Variants in TMEM260 observed in about 807,000 individuals in gnomAD.
The protein encoded by TMEM260 is transmembrane protein 260, also known as protein O-mannosyl-transferase TMEM260.
A neutral mutation model predicts 88.9 loss-of-function variants in TMEM260; 82 were observed. The observed-to-expected ratio is 0.92, with a 90% CI of 0.77 to 1.11. The LOEUF is 1.11. Among genes scored for constraint, TMEM260 ranks in the 50% least tolerant of loss-of-function variants. TMEM260 has a pLI of 0.00. For synonymous variants in TMEM260, 314 were observed against 309.3 expected (o/e 1.02, Z -0.16); for missense variants, 902 against 853.4 (o/e 1.06, Z -0.71).
At chr14:56,621,186 G>A (rs756713919) in intron 10 of TMEM260, among the ~76,000 whole-genome samples, 11 of 152,088 alleles carry the variant, frequency 7.2e-5, no homozygotes, top group Non-Finnish European at 1.5e-4. Flanking sequence ...ACATAAAATT[G>A]CCTTAAACTC....
At chr14:56,610,301 C>A (rs1390131144) in intron 6 of TMEM260, among the ~76,000 whole-genome samples, 1 of 151,948 alleles carries the variant, frequency 6.6e-6, no homozygotes, top group East Asian at 1.9e-4. Context: ...AGTGCAGTGG[C>A]GCGATCTCAG....
intron 3 of TMEM260, among the ~76,000 whole-genome samples, chr14:56,596,306 A>G (rs1215930973): frequency 6.6e-6 from 1 of 151,474 alleles, no homozygotes; most frequent in Non-Finnish European, 1.5e-5. Flanking sequence ...CTTAAATAAT[A>G]TATATATGGG....
chr14:56,624,214 A>G (rs1374966341), intron 11 of TMEM260, among the ~76,000 whole-genome samples: 2 of 152,188 alleles, frequency 1.3e-5, no homozygotes, highest in East Asian at 1.9e-4. Context: ...TAATGAATAA[A>G]ATAATGGCTA....
chr14:56,637,923 TTGTGAGTGC>T lies in TMEM260; in HGVS notation c.1869+1332_1869+1340del, dbSNP rs375182188. 4.5e-4 allele frequency among the ~76,000 whole-genome samples: 69 copies of T among 152,262 alleles called. 1 individual carries two copies. The East Asian group carries it at 0.012, about 27-fold the overall frequency. On this transcript the variant is annotated intron_variant, in intron 15 of 15. Transcript: ENST00000261556. ...TCAAGTCCTCAGTCACAGTTCAGTCTTGTGAGTGCTGTGAGAGGCACACAAGGGTGCTAC... is the reference window on the plus strand; with the variant it reads ...TCAAGTCCTCAGTCACAGTTCAGTCTTGTGAGAGGCACACAAGGGTGCTAC...
intron 11 of TMEM260, among the ~76,000 whole-genome samples, chr14:56,624,894 G>A (rs1888148350): frequency 6.6e-6 from 1 of 152,038 alleles, no homozygotes; most frequent in South Asian, 2.1e-4. Flanking sequence ...GGGTGGGGGT[G>A]GGGAATGGTC....
At chr14:56,653,029 C>T (rs1465114078), downstream of TMEM260, among the ~76,000 whole-genome samples, 5 of 152,262 alleles carry the variant, frequency 3.3e-5, no homozygotes, top group East Asian at 5.8e-4. Context: ...CGCGGTGGCT[C>T]ATGCCTGTAA....
At chr14:56,660,499 G>A in the TMEM260 span, among the ~76,000 whole-genome samples, 1 of 152,194 alleles carries the variant, frequency 6.6e-6, no homozygotes, top group Non-Finnish European at 1.5e-5. Flanking sequence ...AACGTCTCAA[G>A]AGCACATTAT....
chr14:56,660,946 G>A, the TMEM260 span, among the ~76,000 whole-genome samples: 1 of 152,228 alleles, frequency 6.6e-6, no homozygotes, highest in African/African-American at 2.4e-5. Flanking sequence ...ACACACATTT[G>A]TTCTGAAGGG....
intron 12 of TMEM260, among the ~76,000 whole-genome samples, chr14:56,627,646 T>C (rs1198639502): frequency 6.6e-6 from 1 of 151,204 alleles, no homozygotes; most frequent in Non-Finnish European, 1.5e-5. Context: ...AGGCATGTGA[T>C]AGAGATATTT....
intron 3 of TMEM260, among the ~76,000 whole-genome samples, chr14:56,593,590 T>C (rs1886002462): frequency 6.6e-6 from 1 of 150,926 alleles, no homozygotes; most frequent in Non-Finnish European, 1.5e-5. Flanking sequence ...AGTGCTTTCC[T>C]CCGTTATTAT....
At chr14:56,603,355 T>C (rs528652393) in intron 3 of TMEM260, among the ~76,000 whole-genome samples, 1 of 152,264 alleles carries the variant, frequency 6.6e-6, no homozygotes, top group Middle Eastern at 3.4e-3. Flanking sequence ...GAGATGAAAA[T>C]AGAAGGTACC....
intron 3 of TMEM260, among the ~76,000 whole-genome samples, chr14:56,590,243 G>C (rs144251735): frequency 1.3e-5 from 2 of 152,136 alleles, no homozygotes; most frequent in Admixed American, 6.5e-5. Context: ...AAATAGCAGC[G>C]CTTCATTTTG....
chr14:56,653,022 G>A (rs569993234), downstream of TMEM260, among the ~76,000 whole-genome samples: 2 of 152,194 alleles, frequency 1.3e-5, no homozygotes, highest in South Asian at 2.1e-4. Context: ...GGCCGGGCGC[G>A]GTGGCTCATG....
chr14:56,585,995 AT>A (rs1885476600), intron 3 of TMEM260, 83 bp downstream of exon 3: 10 of 1,423,122 alleles, frequency 7.0e-6, no homozygotes, highest in Non-Finnish European at 9.5e-6. Flanking sequence ...CATTAAAAAA[AT>A]CTTTTGTTGC....
At chr14:56,656,344 G>A in the TMEM260 span, among the ~76,000 whole-genome samples, 412 of 152,212 alleles carry the variant, frequency 2.7e-3, 4 homozygotes, top group African/African-American at 8.4e-3. Context: ...GCTTGAACCC[G>A]GGAGGTTGAG....
chr14:56,579,851 G>C lies in TMEM260; in HGVS notation c.-64G>C. ...AAGCTGCGCTCGTCTCTCGGCTGGG[G>C]AGCTCCGTGTCGCACCGGGTTCTTG... On this transcript the variant is annotated 5_prime_UTR_variant, in exon 1 of 16. Coordinates refer to ENST00000261556, the MANE Select transcript of TMEM260 (RefSeq NM_017799.4). 8.2e-7 allele frequency: 1 copy of C among 1,221,914 alleles called. No individual in the cohort carries two copies. Among genetic ancestry groups the C allele is most frequent in the Non-Finnish European group, 1.0e-6 (1 of 979,228 alleles). 75.7% of individuals were successfully genotyped at this position (1,221,914 alleles called of 1,614,324 possible).
At chr14:56,585,639 AT>A (rs1279304583) in intron 2 of TMEM260, 121 bp from the exon 3 acceptor site, 8 of 893,836 alleles carry the variant, frequency 9.0e-6, no homozygotes, top group East Asian at 2.5e-5. Context: ...CTATTCAAAC[AT>A]TTAGTCATTG....
At chr14:56,620,348 T>G (rs1440184470) in intron 10 of TMEM260, among the ~76,000 whole-genome samples, 1 of 152,056 alleles carries the variant, frequency 6.6e-6, no homozygotes, top group African/African-American at 2.4e-5. Context: ...AGAGCTGGTG[T>G]TAGGAAGGCC....
In TMEM260 at chr14:56,618,681, G is replaced by A. The variant is rs756613606; in HGVS notation, c.1144G>A (p.Val382Met). Residue 382 changes from valine (V) to methionine (M), a missense_variant, in exon 10 of 16, where the codon GTG becomes ATG. Val to Met is a conservative substitution (Grantham distance 21). Transcript: ENST00000261556. ...LAAVVSETNR[V>M]LNSNGLQCLE... is the part of the protein sequence containing the mutation. ...TGCAGTTGTGTCTGAGACTAACCGAGTGCTGAATAGCAATGGGCTTCAGTG... is the reference window on the plus strand; with the variant it reads ...TGCAGTTGTGTCTGAGACTAACCGAATGCTGAATAGCAATGGGCTTCAGTG... 3.1e-6 allele frequency: 5 copies of A among 1,614,212 alleles called. No homozygotes were observed. The highest frequency in any genetic ancestry group is 1.7e-5 in the Admixed American group (1 of 60,034).
Sources: allele counts gnomAD v4.1 joint callset (sites outside exome capture counted in the v4.1 genomes callset), GRCh38; gene constraint gnomAD v4.1.1; transcripts MANE v1.5; gene names NCBI Gene and HGNC (gene_info 2026-07-23, HGNC 2026-07-21).